TULP4: variants seen among roughly 807,000 people sequenced by gnomAD.
TULP4 encodes TUB like protein 4.
Under a neutral mutation model 129.0 loss-of-function variants are expected in TULP4, and 16 were observed. The ratio of observed to expected loss-of-function variants is 0.12; its 90% confidence interval spans 0.08 to 0.19. The LOEUF (loss-of-function observed/expected upper bound fraction) is 0.19, where lower values mean the gene tolerates loss of function less well. Among genes scored for constraint, TULP4 ranks in the 10% least tolerant of loss-of-function variants. TULP4 has a pLI of 1.00. For missense variants in TULP4, 1,842 were observed against 2,059.1 expected, an observed-to-expected ratio of 0.89 and a Z score of 2.04; for synonymous variants, 998 against 854.0, an observed-to-expected ratio of 1.17 and a Z score of -2.94.
intron 2 of TULP4, among the ~76,000 whole-genome samples, chr6:158,415,108 A>G (rs2115014973): frequency 6.6e-6 from 1 of 152,334 alleles, no homozygotes. Context: ...CACAGACTGC[A>G]TATACGACGG....
intron 1 of TULP4, among the ~76,000 whole-genome samples, chr6:158,270,871 C>T (rs1466286793): frequency 2.0e-5 from 3 of 152,268 alleles, no homozygotes; most frequent in African/African-American, 7.2e-5. Flanking sequence ...GCTGTAGGGC[C>T]GGGCACAGTG....
intron 3 of TULP4, among the ~76,000 whole-genome samples, chr6:158,434,364 A>G (rs1778705010): frequency 6.6e-6 from 1 of 152,226 alleles, no homozygotes. Flanking sequence ...TGTAAATAGA[A>G]CAGGTTTTAT....
Position 158,503,628 on chromosome 6 carries a change from C to A in TULP4, c.3965C>A (p.Thr1322Asn). 6.2e-7 allele frequency: 1 copy of A among 1,614,070 alleles called. No individual in the cohort carries two copies. Among genetic ancestry groups the A allele is most frequent in the Non-Finnish European group, 8.5e-7 (1 of 1,180,032 alleles). ...AACTTCCAGGAAGTCCTCTCCCTGA[C>A]CGAAAGCCCAGTCCCCCAGCGGACA... ...ADNFQEVLSL[T>N]ESPVPQRTEK... The change falls in exon 13 of 14, where the codon ACC becomes AAC. Residue 1322 changes from threonine (T) to asparagine (N), a missense_variant. Coordinates refer to ENST00000367097, the MANE Select transcript of TULP4 (RefSeq NM_020245.5). The surrounding 1 kb of genome is among the most constrained non-coding windows in gnomAD (Gnocchi z 4.3).
intron 8 of TULP4, among the ~76,000 whole-genome samples, chr6:158,486,280 A>AGAAGACAAG (rs978861635): frequency 6.6e-6 from 1 of 152,216 alleles, no homozygotes; most frequent in African/African-American, 2.4e-5. Flanking sequence ...TGGCCTTATA[A>AGAAGACAAG]GAAGACAAGG....
intron 1 of TULP4, among the ~76,000 whole-genome samples, chr6:158,285,613 T>C (rs977301242): frequency 3.3e-5 from 5 of 152,230 alleles, no homozygotes; most frequent in African/African-American, 1.2e-4. Flanking sequence ...AATCATTGAA[T>C]GAATAGCTCA....
At chr6:158,483,735 G>T (rs1014508057) in intron 8 of TULP4, among the ~76,000 whole-genome samples, 1 of 151,976 alleles carries the variant, frequency 6.6e-6, no homozygotes, top group Non-Finnish European at 1.5e-5. Context: ...TTAAATACAC[G>T]TTCCTAGGCT....
At chr6:158,316,305 T>G (rs183581644) in intron 1 of TULP4, among the ~76,000 whole-genome samples, 152 of 152,328 alleles carry the variant, frequency 1.0e-3, no homozygotes, top group Admixed American at 2.3e-3. Flanking sequence ...AGTCATAGTG[T>G]TGCATGTGTT....
At chr6:158,275,611 C>T (rs569546343) in intron 1 of TULP4, among the ~76,000 whole-genome samples, 1 of 152,286 alleles carries the variant, frequency 6.6e-6, no homozygotes, top group South Asian at 2.1e-4. Context: ...TTTGAACCCA[C>T]CTTGATGTAC....
chr6:158,420,183 A>T (rs927508948), intron 2 of TULP4, among the ~76,000 whole-genome samples: 2 of 152,258 alleles, frequency 1.3e-5, no homozygotes, highest in African/African-American at 4.8e-5. Flanking sequence ...AAAATTTAAA[A>T]TTTGATTTAT....
chr6:158,412,963 A>G, intron 1 of TULP4, 102 bp from the exon 2 acceptor site: 1 of 1,457,834 alleles, frequency 6.9e-7, no homozygotes, highest in Non-Finnish European at 9.2e-7. Flanking sequence ...TTCTCCCTTT[A>G]TTGACTGCAT....
intron 6 of TULP4, among the ~76,000 whole-genome samples, chr6:158,463,381 T>C (rs1299732649): frequency 3.9e-5 from 6 of 151,972 alleles, no homozygotes; most frequent in African/African-American, 1.5e-4. Flanking sequence ...TAGTGGAGGA[T>C]GAATTATCAG....
chr6:158,362,490 C>T (rs1253060714), intron 1 of TULP4, among the ~76,000 whole-genome samples: 3 of 152,122 alleles, frequency 2.0e-5, no homozygotes, highest in Admixed American at 6.5e-5. Context: ...GCCGGCACTA[C>T]AGGTGTGTGC....
intron 3 of TULP4, among the ~76,000 whole-genome samples, chr6:158,448,604 G>A (rs1779102986): frequency 6.6e-6 from 1 of 152,012 alleles, no homozygotes; most frequent in South Asian, 2.1e-4. Context: ...CTAAATTTGA[G>A]AAAATAATAA....
intron 1 of TULP4, among the ~76,000 whole-genome samples, chr6:158,321,039 T>C (rs1779615976): frequency 6.6e-6 from 1 of 152,172 alleles, no homozygotes; most frequent in Non-Finnish European, 1.5e-5. Flanking sequence ...ATATCAATTA[T>C]TTATTTATTT....
intron 1 of TULP4, among the ~76,000 whole-genome samples, chr6:158,240,572 C>T (rs1323185589): frequency 2.1e-5 from 2 of 93,628 alleles, no homozygotes; most frequent in African/African-American, 6.7e-5. Flanking sequence ...GGCAGAGGGG[C>T]TCCTCACTTC....
At chr6:158,488,078 C>A (rs1780113084) in intron 8 of TULP4, among the ~76,000 whole-genome samples, 2 of 152,050 alleles carry the variant, frequency 1.3e-5, no homozygotes, top group Admixed American at 6.5e-5. Context: ...CAAGCCTGGG[C>A]AACATAGTGA....
rs1377926300 is a variant in TULP4, at chr6:158,388,316, G to GTTTTTTTTTT, written c.253-24744_253-24743insTTTTTTTTTT. The stretch of plus-strand genomic sequence containing the variant: ...TTGTTTAAAGAAAAATAATCTGCTC[G>GTTTTTTTTTT]TTTTTCTTTTTTTTTTTTTTTTTTT... On this transcript the variant is annotated intron_variant, in intron 1 of 13. Transcript: ENST00000367097. Among the ~76,000 whole-genome samples, 24 of 92,846 alleles carry GTTTTTTTTTT rather than the reference G, an allele frequency of 2.6e-4. 1 individual carries two copies. The highest frequency in any genetic ancestry group is 7.3e-4 in the South Asian group (2 of 2,730). 60.9% of individuals were successfully genotyped at this position (92,846 alleles called of 152,430 possible).
intron 1 of TULP4, among the ~76,000 whole-genome samples, chr6:158,329,869 G>A (rs1583754542): frequency 1.3e-5 from 2 of 152,192 alleles, no homozygotes; most frequent in East Asian, 1.9e-4. Flanking sequence ...GTCAGGCTCT[G>A]TAATGTAAAC....
intron 1 of TULP4, among the ~76,000 whole-genome samples, chr6:158,263,879 A>G (rs1258906472): frequency 6.6e-6 from 1 of 152,098 alleles, no homozygotes; most frequent in Non-Finnish European, 1.5e-5. Flanking sequence ...CCTGGCCAAC[A>G]TGGTGAAATC....
Sources: allele counts gnomAD v4.1 joint callset (sites outside exome capture counted in the v4.1 genomes callset), GRCh38; gene constraint gnomAD v4.1.1; non-coding constraint Gnocchi (gnomAD v3.1); transcripts MANE v1.5; gene names NCBI Gene and HGNC (gene_info 2026-07-23, HGNC 2026-07-21).